The following EPHB1 variants were observed in gnomAD, a reference collection of about 807,000 sequenced individuals.
EPHB1 encodes EPH receptor B1.
Under a neutral mutation model 94.4 loss-of-function variants are expected in EPHB1, and 30 were observed. That is an observed-to-expected ratio of 0.32 (90% CI 0.24 to 0.43). The LOEUF is 0.43. Among genes scored for constraint, EPHB1 ranks in the 20% least tolerant of loss-of-function variants. EPHB1 has a pLI of 1.00. For synonymous variants in EPHB1, 522 were observed against 489.1 expected (o/e 1.07, Z -0.89); for missense variants, 1,055 against 1,308.3 (o/e 0.81, Z 2.99).
At chr3:135,091,324 C>T (rs1171383804) in intron 3 of EPHB1, among the ~76,000 whole-genome samples, 1 of 152,192 alleles carries the variant, frequency 6.6e-6, no homozygotes, top group Non-Finnish European at 1.5e-5. Context: ...TGTTCTGGTT[C>T]ACCTGCACCT....
chr3:135,200,699 A>G (rs1298328864), intron 11 of EPHB1, among the ~76,000 whole-genome samples: 43 of 152,138 alleles, frequency 2.8e-4, no homozygotes, highest in Admixed American at 2.8e-3. Context: ...GACAGACAGA[A>G]AGACACACAC....
At chr3:134,800,568 G>A (rs1228731926) in intron 1 of EPHB1, among the ~76,000 whole-genome samples, 1 of 152,166 alleles carries the variant, frequency 6.6e-6, no homozygotes, top group African/African-American at 2.4e-5. Context: ...CTAAAAATCA[G>A]CATTTTAAGT....
chr3:135,145,379 C>G (rs927321414), intron 5 of EPHB1, among the ~76,000 whole-genome samples: 1 of 152,098 alleles, frequency 6.6e-6, no homozygotes, highest in African/African-American at 2.4e-5. Flanking sequence ...CATTCACAAC[C>G]CCATCACTCA....
chr3:134,839,881 A>G (rs1411571607), intron 1 of EPHB1, among the ~76,000 whole-genome samples: 5 of 152,150 alleles, frequency 3.3e-5, no homozygotes, highest in Non-Finnish European at 7.4e-5. Context: ...GAAAGGCTGA[A>G]TGTGACTTGA....
At chr3:134,870,759 G>A (rs1434914686) in intron 1 of EPHB1, among the ~76,000 whole-genome samples, 3 of 152,244 alleles carry the variant, frequency 2.0e-5, no homozygotes, top group Non-Finnish European at 4.4e-5. Context: ...TGTTGTGAGG[G>A]TTAAACGAAA....
rs28528185 is a variant in EPHB1 at position 135,053,007 on chromosome 3, A to G, written c.806-53441A>G. ...TGTGTGTGTATATATATGTGTGTGT[A>G]TATATATGTGTGTGTGTGTGTATAT... is the stretch of plus-strand genomic sequence containing the variant. On this transcript the variant is annotated intron_variant, in intron 3 of 15. Transcript: ENST00000398015. 2.3e-3 allele frequency among the ~76,000 whole-genome samples: 78 copies of G among 33,900 alleles called. 1 individual carries two copies. Among genetic ancestry groups the G allele is most frequent in the African/African-American group, 6.9e-3 (50 of 7,278 alleles). The allele number at this position is 33,900 out of a possible 152,430, so 22.2% of individuals were successfully genotyped here. A position where few individuals can be genotyped will look rare whatever the true frequency, so the allele number is the denominator to read the frequency against.
intron 10 of EPHB1, among the ~76,000 whole-genome samples, chr3:135,190,534 T>G (rs2107709056): frequency 8.2e-6 from 1 of 122,242 alleles, no homozygotes; most frequent in Non-Finnish European, 1.8e-5. Flanking sequence ...CATGCATACA[T>G]ATATCTAGAC....
intron 1 of EPHB1, among the ~76,000 whole-genome samples, chr3:134,824,295 G>T (rs2036436951): frequency 6.6e-6 from 1 of 152,092 alleles, no homozygotes; most frequent in South Asian, 2.1e-4. Context: ...TGGGAGGCAT[G>T]TGGGTCCCTG....
chr3:135,130,397 G>A (rs2107686342), intron 4 of EPHB1, among the ~76,000 whole-genome samples: 1 of 152,316 alleles, frequency 6.6e-6, no homozygotes. Context: ...AGCAGTCATG[G>A]CAGAGAAGTG....
chr3:134,850,108 G>A (rs1158247807), intron 1 of EPHB1, among the ~76,000 whole-genome samples: 1 of 152,204 alleles, frequency 6.6e-6, no homozygotes. Context: ...CTGCAGACGA[G>A]CAGAGCTGCC....
intron 3 of EPHB1, among the ~76,000 whole-genome samples, chr3:134,958,413 A>AGTGTGTGT (rs3067407): frequency 0.019 from 1,892 of 97,666 alleles, 35 homozygotes; most frequent in African/African-American, 0.059. Flanking sequence ...AACACAAGGG[A>AGTGTGTGT]GTGTGTGTGT....
chr3:135,226,489 C>T (rs1270868272), intron 12 of EPHB1, among the ~76,000 whole-genome samples: 1 of 152,134 alleles, frequency 6.6e-6, no homozygotes, highest in Non-Finnish European at 1.5e-5. Flanking sequence ...AGCCCGAGTA[C>T]TCAGGGAGCA....
chr3:135,233,412 A>G (rs142703037), intron 12 of EPHB1, among the ~76,000 whole-genome samples: 1 of 152,360 alleles, frequency 6.6e-6, no homozygotes, highest in African/African-American at 2.4e-5. Context: ...CATCCAGGTC[A>G]TGCTGATACA....
chr3:135,111,182 G>A (rs1416194521), intron 4 of EPHB1, among the ~76,000 whole-genome samples: 1 of 152,144 alleles, frequency 6.6e-6, no homozygotes, highest in Non-Finnish European at 1.5e-5. Flanking sequence ...CCCACTGATG[G>A]TTTCCTTTAG....
chr3:135,166,146 T>G (rs1941646477), intron 8 of EPHB1, 70 bp downstream of exon 8: 2 of 1,168,926 alleles, frequency 1.7e-6, no homozygotes. Context: ...TTTCCCAGGC[T>G]GCGTGGATCA....
intron 1 of EPHB1, among the ~76,000 whole-genome samples, chr3:134,877,927 G>A (rs1262021597): frequency 6.6e-6 from 1 of 152,244 alleles, no homozygotes; most frequent in Non-Finnish European, 1.5e-5. Context: ...AGCCTCCAGT[G>A]CTATCTGGCT....
chr3:134,878,290 C>G (rs11926766), intron 1 of EPHB1, among the ~76,000 whole-genome samples: 9,061 of 152,252 alleles, frequency 0.06, 280 homozygotes, highest in South Asian at 0.11. Context: ...AATTCATTTT[C>G]TTTATTCCAA....
At chr3:135,165,863 T>A (rs1319363148) in intron 7 of EPHB1, 105 bp from the exon 8 acceptor site, 1 of 757,396 alleles carries the variant, frequency 1.3e-6, no homozygotes, top group African/African-American at 1.7e-5. Flanking sequence ...GAAACTATCC[T>A]CTACATATAT....
chr3:134,901,088 AT>A (rs1310336021), intron 1 of EPHB1, among the ~76,000 whole-genome samples: 1 of 152,120 alleles, frequency 6.6e-6, no homozygotes, highest in Non-Finnish European at 1.5e-5. Context: ...TCTTATTATA[AT>A]TTTATTGAGC....
Sources: allele counts gnomAD v4.1 joint callset (sites outside exome capture counted in the v4.1 genomes callset), GRCh38; gene constraint gnomAD v4.1.1; transcripts MANE v1.5; gene names NCBI Gene and HGNC (gene_info 2026-07-23, HGNC 2026-07-21).